Variants in WNK2 observed in about 807,000 individuals in gnomAD.
The protein encoded by WNK2 is WNK lysine deficient protein kinase 2.
A neutral mutation model predicts 192.1 loss-of-function variants in WNK2; 67 were observed. The ratio of observed to expected loss-of-function variants is 0.35; its 90% CI spans 0.29 to 0.43. The LOEUF (loss-of-function observed/expected upper bound fraction) is 0.43, where lower values mean the gene tolerates loss of function less well. Ranked by LOEUF, WNK2 falls within the 20% of genes least tolerant of loss-of-function variation. WNK2 has a pLI of 1.00. For synonymous variants in WNK2, 1,439 were observed against 1,393.9 expected (o/e 1.03, Z -0.72); for missense variants, 2,698 against 3,089.7 (o/e 0.87, Z 3.01).
chr9:93,280,382 A>G (rs10992698), intron 19 of WNK2, among the ~76,000 whole-genome samples: 58,515 of 152,122 alleles, frequency 0.38, 13,334 homozygotes, highest in Admixed American at 0.51. Context: ...TGGCGAGGCC[A>G]TGGAGGAGCT....
rs951026746 is a variant in WNK2 at position 93,263,449 on chromosome 9, A to G, written c.3411-117A>G. ...TTCGCACAGGACGGGCTGCCTCTGTAGGTCACAGATTTGGGCCCTGGAGAC... is the reference window on the plus strand; with the variant it reads ...TTCGCACAGGACGGGCTGCCTCTGTGGGTCACAGATTTGGGCCCTGGAGAC... On this transcript the variant is annotated intron_variant, in intron 14 of 29. Coordinates refer to ENST00000427277, the MANE Select transcript of WNK2 (RefSeq NM_006648.4). 14 of 1,318,614 alleles carry G rather than the reference A, an allele frequency of 1.1e-5. No individual in the cohort carries two copies. The African/African-American group carries it at 2.0e-4, about 19-fold the overall frequency. 81.7% of individuals were successfully genotyped at this position (1,318,614 alleles called of 1,614,324 possible).
At chr9:93,215,162 C>T (rs1023136148) in intron 2 of WNK2, among the ~76,000 whole-genome samples, 40 of 152,106 alleles carry the variant, frequency 2.6e-4, no homozygotes, top group African/African-American at 9.2e-4. Flanking sequence ...TGCTCTGTTG[C>T]CCAGGCTGGA....
At chr9:93,286,906 C>T (rs913736801) in intron 19 of WNK2, among the ~76,000 whole-genome samples, 1 of 152,160 alleles carries the variant, frequency 6.6e-6, no homozygotes, top group African/African-American at 2.4e-5. Context: ...AAGCCAGGCA[C>T]AGAAAGACTA....
In WNK2 at chr9:93,280,969, A is replaced by G. The variant is rs979761853; in HGVS notation, c.4034-7819A>G. ...GAATAATTATGCTGAATGAAAAGAC[A>G]CAAGGAAGAATGCTTGCCATGTGAC... On this transcript the variant is annotated intron_variant, in intron 19 of 29. Coordinates refer to ENST00000427277, the MANE Select transcript of WNK2 (RefSeq NM_006648.4). 2.6e-5 allele frequency among the ~76,000 whole-genome samples: 4 copies of G among 152,350 alleles called. No individual in the cohort carries two copies. The Middle Eastern group carries it at 0.01, about 389-fold the overall frequency.
At chr9:93,212,890 A>G (rs1303384989) in intron 2 of WNK2, among the ~76,000 whole-genome samples, 1 of 152,158 alleles carries the variant, frequency 6.6e-6, no homozygotes, top group African/African-American at 2.4e-5. Context: ...GTGTGTTGGG[A>G]TGCTTGGACT....
At chr9:93,263,454 A>G in intron 14 of WNK2, 112 bp from the exon 15 acceptor site, 1 of 1,385,100 alleles carries the variant, frequency 7.2e-7, no homozygotes, top group South Asian at 1.2e-5. Context: ...TCTGTAGGTC[A>G]CAGATTTGGG....
chr9:93,298,056 C>G lies in WNK2; in HGVS notation c.5912C>G (p.Ala1971Gly). The G allele has an allele frequency of 6.5e-7, 1 of 1,550,230 alleles. No individual in the cohort carries two copies. The highest frequency in any genetic ancestry group is 2.0e-5 in the Admixed American group (1 of 51,058). Residue 1971 changes from alanine (A) to glycine (G), a missense_variant, in exon 24 of 30, where the codon GCC becomes GGC. Ala to Gly is a moderately conservative substitution (Grantham distance 60). Coordinates refer to ENST00000427277, the MANE Select transcript of WNK2 (RefSeq NM_006648.4). ...CTGGTGCGGCAGCTCAAGGTCGTGG[C>G]CTCCAGCACAGGTCGGCCTCCGGGT... ...NPLVRQLKVV[A>G]SSTGHLADSS...
Position 93,259,149 on chromosome 9 carries a change from G to A in WNK2, c.2601G>A (p.Ala867=), listed in dbSNP as rs375757039. ...TGAAGCTGCCCCACCCCCCTGGGGC[G>A]CCCCTGGCCATGCCCTGCCGGACCA... ...QAVKLPHPPG[A]PLAMPCRTIV... is the part of the protein sequence containing the mutation. The change falls in exon 12 of 30, where the codon GCG becomes GCA. Residue 867 remains alanine, a synonymous_variant. Coordinates refer to ENST00000427277, the MANE Select transcript of WNK2 (RefSeq NM_006648.4). The surrounding 1 kb of genome is among the most constrained non-coding windows in gnomAD (Gnocchi z 4.8). 3.5e-4 allele frequency: 559 copies of A among 1,610,700 alleles called. No individual in the cohort carries two copies. The highest frequency in any genetic ancestry group is 4.3e-4 in the Non-Finnish European group (506 of 1,179,098).
Position 93,184,281 on chromosome 9 carries a change from C to T in WNK2, c.-107C>T, listed in dbSNP as rs1828850002. ...AGCGGCGCCACGGCCCCCACCCCAG[C>T]GCGGACCTCGCCCGGAACTCGGACC... On this transcript the variant is annotated 5_prime_UTR_variant, in exon 1 of 30. Coordinates refer to ENST00000427277, the MANE Select transcript of WNK2 (RefSeq NM_006648.4). Among the ~76,000 whole-genome samples, 1 of 151,124 alleles carries T rather than the reference C, an allele frequency of 6.6e-6. No individual in the cohort carries two copies. The highest frequency in any genetic ancestry group is 1.5e-5 in the Non-Finnish European group (1 of 67,640).
intron 26 of WNK2, among the ~76,000 whole-genome samples, chr9:93,305,839 G>A (rs971683706): frequency 2.0e-5 from 3 of 152,226 alleles, no homozygotes; most frequent in Admixed American, 6.5e-5. Context: ...GCAAGGGGCC[G>A]TGGGCTGGAG....
chr9:93,223,383 G>T (rs1300377248), intron 2 of WNK2, among the ~76,000 whole-genome samples: 1 of 152,246 alleles, frequency 6.6e-6, no homozygotes, highest in East Asian at 1.9e-4. Context: ...TGCCTTAGGT[G>T]GGGTGGGGAA....
chr9:93,308,530 G>C lies in WNK2; in HGVS notation c.6462G>C (p.Lys2154Asn). Residue 2154 changes from lysine to asparagine, a missense_variant, in exon 28 of 30, where the codon AAG (lysine) becomes AAC (asparagine). Lys to Asn is a moderately conservative substitution (Grantham distance 94, BLOSUM62 0). This residue lies in a region of WNK2 where 167 missense variants were observed against 184.2 expected (regional missense o/e 0.91). Coordinates refer to ENST00000427277, the MANE Select transcript of WNK2 (RefSeq NM_006648.4). The stretch of plus-strand genomic sequence containing the variant: ...TCAACCAGCTGAAGCAGACCCAGAA[G>C]CTGCAAGACATGGAGGCCCAGGCAG... The part of the protein sequence containing the change: ...PTLNQLKQTQ[K>N]LQDMEAQAGW... The C allele has an allele frequency of 6.2e-7, 1 of 1,605,638 alleles. No individual in the cohort carries two copies. The highest frequency in any genetic ancestry group is 8.5e-7 in the Non-Finnish European group (1 of 1,176,792).
intron 2 of WNK2, among the ~76,000 whole-genome samples, chr9:93,190,393 TG>T (rs2130957932): frequency 6.6e-6 from 1 of 152,304 alleles, no homozygotes; most frequent in South Asian, 2.1e-4. Context: ...TGTGGCTCAG[TG>T]GTGCCGTGTG....
At chr9:93,288,334 A>G (rs1207975016) in intron 19 of WNK2, among the ~76,000 whole-genome samples, 1 of 151,954 alleles carries the variant, frequency 6.6e-6, no homozygotes, top group Non-Finnish European at 1.5e-5. Flanking sequence ...AAGTGTGTAC[A>G]GCTCACTACT....
chr9:93,263,752 G>A lies in WNK2; in HGVS notation c.3579+18G>A, dbSNP rs1172686385. 7.0e-7 allele frequency: 1 copy of A among 1,433,118 alleles called. No homozygotes were observed. The highest frequency in any genetic ancestry group is 1.5e-5 in the African/African-American group (1 of 66,376). 88.8% of individuals were successfully genotyped at this position (1,433,118 alleles called of 1,614,324 possible). A position where few individuals can be genotyped will look rare whatever the true frequency, so the allele number is the denominator to read the frequency against. On this transcript the variant is annotated intron_variant, in intron 15 of 29. Transcript: ENST00000427277. Reference sequence around the variant, plus strand: ...TCTTGAACGTGAGTGGGCGGGGCGTGGCGGGGGTGTGGTGGGGGTGGGGGC... The same window carrying A: ...TCTTGAACGTGAGTGGGCGGGGCGTAGCGGGGGTGTGGTGGGGGTGGGGGC...
intron 2 of WNK2, among the ~76,000 whole-genome samples, chr9:93,204,830 G>A (rs185579305): frequency 2.0e-5 from 3 of 152,174 alleles, no homozygotes; most frequent in East Asian, 1.9e-4. Context: ...GGGGTATGGG[G>A]ACCCCAAGCT....
In WNK2 at chr9:93,231,811, C is replaced by T. The variant is rs180845869; in HGVS notation, c.1075+703C>T. ...CCGTCGCCCCTAGGGGCAGCTGGCC[C>T]GGAGCTTCTTTGCAGAGACCAGGGG... On this transcript the variant is annotated intron_variant, in intron 4 of 29. Transcript: ENST00000427277. 1.8e-3 allele frequency among the ~76,000 whole-genome samples: 273 copies of T among 152,350 alleles called. 1 individual carries two copies. Among genetic ancestry groups the T allele is most frequent in the Admixed American group, 3.6e-3 (55 of 15,308 alleles).
intron 3 of WNK2, 96 bp from the exon 4 acceptor site, chr9:93,230,792 A>G: frequency 8.9e-7 from 1 of 1,127,448 alleles, no homozygotes; most frequent in South Asian, 1.4e-5. Flanking sequence ...ACGGGAATGG[A>G]CTTTGTACCA....
chr9:93,220,904 G>T (rs1246318371), intron 2 of WNK2, among the ~76,000 whole-genome samples: 1 of 152,176 alleles, frequency 6.6e-6, no homozygotes, highest in African/African-American at 2.4e-5. Context: ...TCCCCCTTTG[G>T]TCCTCTTCTT....
Sources: gnomAD v4.1 joint callset for allele counts (sites outside exome capture counted in the v4.1 genomes callset) on GRCh38, gnomAD v4.1.1 for gene constraint, gnomAD v4.1.1 regional missense constraint, Gnocchi (gnomAD v3.1) non-coding constraint, MANE v1.5 for transcripts, NCBI Gene and HGNC (gene_info 2026-07-23, HGNC 2026-07-21) for gene names.